The following PRKCQ variants were observed in gnomAD, a reference collection of about 807,000 sequenced individuals.
PRKCQ encodes the protein protein kinase C theta type.
In PRKCQ, 41 loss-of-function variants were observed where a neutral mutation model predicts 91.2. The observed-to-expected ratio is 0.45, with a 90% CI of 0.35 to 0.58. PRKCQ has a LOEUF of 0.58. PRKCQ is among the 20% of genes least tolerant of loss of function. PRKCQ has a pLI of 0.00. For missense variants in PRKCQ, 673 were observed against 896.5 expected (o/e 0.75, Z 3.18); for synonymous variants, 307 against 316.9 (o/e 0.97, Z 0.33).
chr10:6,515,014 T>G lies in PRKCQ; in HGVS notation c.118+4A>C. 1 of 1,613,046 alleles carries G rather than the reference T, an allele frequency of 6.2e-7. No homozygotes were observed. The highest frequency in any genetic ancestry group is 8.5e-7 in the Non-Finnish European group (1 of 1,179,908). ...CCCCGCTTTGAAAATCCCCTCAAGC[T>G]TACCTGATTCGACATACTCTTTGAC... On this transcript the variant is annotated splice_donor_region_variant and intron_variant, in intron 2 of 17. Transcript: ENST00000263125.
rs1024508780 is a variant in PRKCQ at position 6,530,187 on chromosome 10, C to T, written c.-9-15043G>A. ...TCCTAGGGCGCGGTCAGAGAAGGAG[C>T]CTTCGAGAGCCTGGGCTCCACTTTC... is the stretch of plus-strand genomic sequence containing the variant. On this transcript the variant is annotated intron_variant, in intron 1 of 17. Transcript: ENST00000263125. Among the ~76,000 whole-genome samples, 13 of 152,132 alleles carry T rather than the reference C, an allele frequency of 8.5e-5. No individual in the cohort carries two copies. In the East Asian group the frequency reaches 2.3e-3, roughly 27 times the overall value.
At chr10:6,394,994 C>T in the PRKCQ span, among the ~76,000 whole-genome samples, 1 of 149,566 alleles carries the variant, frequency 6.7e-6, no homozygotes, top group South Asian at 2.1e-4. Context: ...TTTATCAAGA[C>T]GGGGGAATTG....
chr10:6,394,639 G>C, the PRKCQ span, among the ~76,000 whole-genome samples: 146,353 of 152,128 alleles, frequency 0.96, 70,593 homozygotes, highest in East Asian at 1. Flanking sequence ...ATCGTCAGAC[G>C]TGCAGTCCAC....
intron 15 of PRKCQ, 77 bp from the exon 16 acceptor site, chr10:6,442,158 G>A: frequency 7.1e-7 from 1 of 1,409,004 alleles, no homozygotes; most frequent in Non-Finnish European, 9.7e-7. Context: ...GCGTCTCAAG[G>A]CCACTCAGTA....
intron 7 of PRKCQ, among the ~76,000 whole-genome samples, chr10:6,495,050 C>T (rs941297146): frequency 2.0e-5 from 3 of 152,174 alleles, no homozygotes; most frequent in African/African-American, 4.8e-5. Flanking sequence ...AATCTTTTGG[C>T]AAATCCAGTC....
chr10:6,513,423 C>A, intron 2 of PRKCQ, among the ~76,000 whole-genome samples: 1 of 129,982 alleles, frequency 7.7e-6, no homozygotes. Flanking sequence ...CTCATTAGAC[C>A]AAGTTCAAAG....
chr10:6,464,254 A>G, intron 13 of PRKCQ, 59 bp downstream of exon 13: 1 of 1,501,246 alleles, frequency 6.7e-7, no homozygotes, highest in Non-Finnish European at 9.1e-7. Context: ...AAGGAAAAAA[A>G]AACCAGCAAG....
Position 6,427,622 on chromosome 10 carries a change from A to T in PRKCQ, c.*585T>A, listed in dbSNP as rs1190217015. ...ATGGATTTCATGCCCAATCAGGATGAATGGATTTGTAGATCTCAAGTTACA... is the reference window on the plus strand; with the variant it reads ...ATGGATTTCATGCCCAATCAGGATGTATGGATTTGTAGATCTCAAGTTACA... On this transcript the variant is annotated 3_prime_UTR_variant, in exon 18 of 18. Coordinates refer to ENST00000263125, the MANE Select transcript of PRKCQ (RefSeq NM_006257.5). 6.6e-6 allele frequency: 1 copy of T among 152,618 alleles called. No individual in the cohort carries two copies. Among genetic ancestry groups the T allele is most frequent in the Admixed American group, 6.5e-5 (1 of 15,338 alleles). 9.5% of individuals were successfully genotyped at this position (152,618 alleles called of 1,614,324 possible).
intron 2 of PRKCQ, among the ~76,000 whole-genome samples, chr10:6,513,027 AAAAATAC>A: frequency 6.6e-6 from 1 of 152,316 alleles, no homozygotes; most frequent in Non-Finnish European, 1.5e-5. Context: ...GAAAAGGGCC[AAAAATAC>A]CCTGAGAAGG....
intron 1 of PRKCQ, among the ~76,000 whole-genome samples, chr10:6,535,118 G>C (rs1193158002): frequency 6.6e-6 from 1 of 152,138 alleles, no homozygotes; most frequent in Non-Finnish European, 1.5e-5. Flanking sequence ...GCTCACTTCT[G>C]CTGACTCTGA....
intron 3 of PRKCQ, among the ~76,000 whole-genome samples, chr10:6,508,348 G>A (rs149692622): frequency 3.3e-5 from 5 of 152,326 alleles, no homozygotes; most frequent in Admixed American, 1.3e-4. Context: ...GGTTATCCAC[G>A]TGAGCCGGAG....
At chr10:6,411,493 G>T in the PRKCQ span, among the ~76,000 whole-genome samples, 1 of 152,148 alleles carries the variant, frequency 6.6e-6, no homozygotes, top group Non-Finnish European at 1.5e-5. Flanking sequence ...TGAAAAAAGG[G>T]ATCATAATAA....
chr10:6,439,578 T>G (rs898529849), intron 16 of PRKCQ, among the ~76,000 whole-genome samples: 1 of 151,996 alleles, frequency 6.6e-6, no homozygotes, highest in Non-Finnish European at 1.5e-5. Flanking sequence ...CAAGACCAAC[T>G]CCCCCTCTTC....
the PRKCQ span, among the ~76,000 whole-genome samples, chr10:6,410,550 T>G: frequency 6.6e-6 from 1 of 152,048 alleles, no homozygotes; most frequent in Admixed American, 6.6e-5. Context: ...GTAGCAGTGG[T>G]GTTTGGAAAT....
At chr10:6,483,384 C>T in intron 11 of PRKCQ, 56 bp downstream of exon 11, 1 of 1,604,562 alleles carries the variant, frequency 6.2e-7, no homozygotes, top group Non-Finnish European at 8.5e-7. Flanking sequence ...TGACCAGGAA[C>T]TTGGCTCATC....
At chr10:6,456,641 T>G (rs1835024467) in intron 15 of PRKCQ, 33 bp downstream of exon 15, 12 of 1,611,494 alleles carry the variant, frequency 7.4e-6, no homozygotes, top group Non-Finnish European at 1.0e-5. Context: ...CAGGGCATGG[T>G]GAGGTGGGAG....
At chr10:6,399,446 C>T in the PRKCQ span, among the ~76,000 whole-genome samples, 5 of 152,182 alleles carry the variant, frequency 3.3e-5, no homozygotes, top group Non-Finnish European at 5.9e-5. Context: ...CCGGCTGAGC[C>T]CAGCAGCCCT....
At chr10:6,499,127 C>T (rs1837772216) in intron 4 of PRKCQ, among the ~76,000 whole-genome samples, 1 of 152,238 alleles carries the variant, frequency 6.6e-6, no homozygotes, top group African/African-American at 2.4e-5. Context: ...GTCCTGGTTC[C>T]TGATGTCCAC....
intron 4 of PRKCQ, 53 bp downstream of exon 4, chr10:6,507,380 TGAG>T (rs1012846638): frequency 1.4e-5 from 21 of 1,465,868 alleles, no homozygotes; most frequent in African/African-American, 1.3e-4. Flanking sequence ...AAGCTGCATT[TGAG>T]GAGAAGGCCA....
Sources: gnomAD v4.1 joint callset for allele counts (sites outside exome capture counted in the v4.1 genomes callset) on GRCh38, gnomAD v4.1.1 for gene constraint, MANE v1.5 for transcripts, NCBI Gene and HGNC (gene_info 2026-07-23, HGNC 2026-07-21) for gene names.